The following KCNQ1 variants were observed in gnomAD, a reference collection of about 807,000 sequenced individuals.
KCNQ1 encodes potassium voltage-gated channel subfamily Q member 1.
KCNQ1 carries 49 observed loss-of-function variants against 72.4 expected under a neutral mutation model. The ratio of observed to expected loss-of-function variants is 0.68; its 90% confidence interval spans 0.54 to 0.86. KCNQ1 has a LOEUF of 0.86. Among genes scored for constraint, KCNQ1 ranks in the 40% least tolerant of loss-of-function variants. The pLI, the probability that KCNQ1 is intolerant of heterozygous loss-of-function variation, is 0.00. For missense variants in KCNQ1, 790 were observed against 945.1 expected, an observed-to-expected ratio of 0.84 and a Z score of 2.15; for synonymous variants, 450 against 412.6, an observed-to-expected ratio of 1.09 and a Z score of -1.10.
At chr11:2,573,821 A>G (rs1848377618) in intron 6 of KCNQ1, among the ~76,000 whole-genome samples, 1 of 152,096 alleles carries the variant, frequency 6.6e-6, no homozygotes, top group Non-Finnish European at 1.5e-5. Context: ...TCAGGCTTGC[A>G]CGTGGGAGAG....
chr11:2,640,627 C>G, intron 10 of KCNQ1: 1 of 396,798 alleles, frequency 2.5e-6, no homozygotes, highest in Non-Finnish European at 4.4e-6. Context: ...TTACATGCAT[C>G]GAATGTGTAA....
chr11:2,718,766 G>A (rs1200110151), intron 11 of KCNQ1, among the ~76,000 whole-genome samples: 1 of 152,202 alleles, frequency 6.6e-6, no homozygotes, highest in Non-Finnish European at 1.5e-5. Context: ...ACCAAGCCCT[G>A]GACCCTGCTG....
At chr11:2,529,376 C>T (rs1490743069) in intron 2 of KCNQ1, among the ~76,000 whole-genome samples, 3 of 151,614 alleles carry the variant, frequency 2.0e-5, no homozygotes, top group Non-Finnish European at 4.4e-5. Context: ...TGAACGTTGC[C>T]ATCACCTTAT....
intron 15 of KCNQ1, chr11:2,839,668 G>T (rs897408359): frequency 3.9e-5 from 6 of 152,288 alleles, no homozygotes; most frequent in African/African-American, 1.4e-4. Context: ...CAGGGGCTGG[G>T]ATCCCTCAGC....
chr11:2,490,147 G>A (rs1354863222), intron 1 of KCNQ1, among the ~76,000 whole-genome samples: 1 of 152,234 alleles, frequency 6.6e-6, no homozygotes, highest in Non-Finnish European at 1.5e-5. Context: ...CTGCCTATGG[G>A]CCTGTAGTGG....
intron 11 of KCNQ1, among the ~76,000 whole-genome samples, chr11:2,702,105 C>T (rs1850825352): frequency 6.6e-6 from 1 of 152,210 alleles, no homozygotes; most frequent in African/African-American, 2.4e-5. Flanking sequence ...CAGAATCCTC[C>T]CCTGATCACC....
Position 2,603,223 on chromosome 11 carries a change from C to G in KCNQ1, c.1393+14369C>G, listed in dbSNP as rs1848831990. ...ATAAAAGTTATGTTTATATTGTAGT[C>G]TATTAAGTGTGCAATAGCCCCATGT... On this transcript the variant is annotated intron_variant, in intron 10 of 15. Coordinates refer to ENST00000155840, the MANE Select transcript of KCNQ1 (RefSeq NM_000218.3). This position sits in a 1 kb window ranked among gnomAD's most constrained non-coding sequence, Gnocchi z 4.1. Among the ~76,000 whole-genome samples the G allele has an allele frequency of 6.6e-6, 1 of 152,156 alleles. No individual in the cohort carries two copies. The highest frequency in any genetic ancestry group is 2.1e-4 in the South Asian group (1 of 4,826).
Position 2,642,753 on chromosome 11 carries a change from T to C in KCNQ1, c.1394-19208T>C, listed in dbSNP as rs1390513202. 1 of 397,780 alleles carries C rather than the reference T, an allele frequency of 2.5e-6. No individual in the cohort carries two copies. The highest frequency in any genetic ancestry group is 4.4e-6 in the Non-Finnish European group (1 of 225,666). The allele number at this position is 397,780 out of a possible 1,614,324, so 24.6% of individuals were successfully genotyped here. ...TTTTCTGGTTCCTTCAGGTGTATCA[T>C]TAGATTATTTAAGATCTTTTCTACC... On this transcript the variant is annotated intron_variant, in intron 10 of 15. Transcript: ENST00000155840. The surrounding 1 kb of genome is among the most constrained non-coding windows in gnomAD (Gnocchi z 4.3).
chr11:2,640,473 A>T (rs1248153624), intron 10 of KCNQ1: 1 of 398,248 alleles, frequency 2.5e-6, no homozygotes, highest in Non-Finnish European at 4.4e-6. Flanking sequence ...TTTTGTAGAG[A>T]CAGGGTCGTG....
chr11:2,728,628 C>A (rs1003329884), intron 11 of KCNQ1, among the ~76,000 whole-genome samples: 1 of 152,232 alleles, frequency 6.6e-6, no homozygotes, highest in Non-Finnish European at 1.5e-5. Flanking sequence ...CTACTGCATC[C>A]TCCCAGAAGC....
intron 1 of KCNQ1, among the ~76,000 whole-genome samples, chr11:2,480,336 G>A (rs1207271045): frequency 2.0e-5 from 3 of 152,222 alleles, no homozygotes; most frequent in Admixed American, 6.5e-5. Flanking sequence ...ATAAAGGGAA[G>A]AGGTTTAATT....
At chr11:2,717,511 A>G (rs1472951882) in intron 11 of KCNQ1, among the ~76,000 whole-genome samples, 1 of 152,140 alleles carries the variant, frequency 6.6e-6, no homozygotes, top group African/African-American at 2.4e-5. Context: ...TTCTTCCAGA[A>G]CCTTTTAATG....
intron 1 of KCNQ1, among the ~76,000 whole-genome samples, chr11:2,445,861 TC>T (rs1380580662): frequency 6.6e-6 from 1 of 152,020 alleles, no homozygotes; most frequent in Non-Finnish European, 1.5e-5. Flanking sequence ...CGGCTGAGAC[TC>T]GAGGCTCAGG....
chr11:2,792,989 T>C (rs1847060197), intron 15 of KCNQ1, among the ~76,000 whole-genome samples: 1 of 148,230 alleles, frequency 6.7e-6, no homozygotes, highest in African/African-American at 2.5e-5. Flanking sequence ...ACAAGAGCCA[T>C]CTGTGTGGGC....
intron 3 of KCNQ1, 34 bp downstream of exon 3, chr11:2,570,788 A>G: frequency 6.2e-7 from 1 of 1,606,232 alleles, no homozygotes; most frequent in South Asian, 1.1e-5. Context: ...GGTCACGCCC[A>G]GGTTTCCAGA....
At position 2,670,193 on chromosome 11, in the gene KCNQ1, G is replaced by C. The variant is rs1455752991; in HGVS notation, c.1514+8112G>C. 2.5e-6 allele frequency: 1 copy of C among 398,526 alleles called. No homozygotes were observed. Among genetic ancestry groups the C allele is most frequent in the Non-Finnish European group, 4.4e-6 (1 of 226,092 alleles). The allele number at this position is 398,526 out of a possible 1,614,324, so 24.7% of individuals were successfully genotyped here. On this transcript the variant is annotated intron_variant, in intron 11 of 15. Coordinates refer to ENST00000155840, the MANE Select transcript of KCNQ1 (RefSeq NM_000218.3). This position sits in a 1 kb window ranked among gnomAD's most constrained non-coding sequence, Gnocchi z 4.9. ...AGGCAAGCACCCACATTAAAGCAGA[G>C]TGAAGAGCAGGGCGAGCTGTGTAGC...
At chr11:2,738,251 G>T (rs1346483884) in intron 11 of KCNQ1, among the ~76,000 whole-genome samples, 1 of 152,076 alleles carries the variant, frequency 6.6e-6, no homozygotes, top group Non-Finnish European at 1.5e-5. Flanking sequence ...AGCCCAGGGG[G>T]AGGCAGGGTC....
intron 11 of KCNQ1, among the ~76,000 whole-genome samples, chr11:2,737,266 C>T (rs1310208732): frequency 6.6e-6 from 1 of 152,124 alleles, no homozygotes; most frequent in East Asian, 1.9e-4. Context: ...TGAAGGGGTG[C>T]CGGTGGAGAG....
chr11:2,674,831 T>TAAAAAA lies in KCNQ1; in HGVS notation c.1514+12750_1514+12751insAAAAAA, dbSNP rs1564854123. On this transcript the variant is annotated intron_variant, in intron 11 of 15. Coordinates refer to ENST00000155840, the MANE Select transcript of KCNQ1 (RefSeq NM_000218.3). This position sits in a 1 kb window ranked among gnomAD's most constrained non-coding sequence, Gnocchi z 5.9. ...GGCTTGTCACCCTAATAGCTGTTTTTTAAAAAAAAAAAAAAAAAAAAAAAA... is the reference window on the plus strand; with the variant it reads ...GGCTTGTCACCCTAATAGCTGTTTTTAAAAAATAAAAAAAAAAAAAAAAAAAAAAAA... 5.5e-6 allele frequency: 2 copies of TAAAAAA among 362,322 alleles called. No homozygotes were observed. Among genetic ancestry groups the TAAAAAA allele is most frequent in the African/African-American group, 5.2e-5 (2 of 38,414 alleles). 22.4% of individuals were successfully genotyped at this position (362,322 alleles called of 1,614,324 possible). A position where few individuals can be genotyped will look rare whatever the true frequency, so the allele number is the denominator to read the frequency against.
Sources: gnomAD v4.1 joint callset for allele counts (sites outside exome capture counted in the v4.1 genomes callset) on GRCh38, gnomAD v4.1.1 for gene constraint, Gnocchi (gnomAD v3.1) non-coding constraint, MANE v1.5 for transcripts, NCBI Gene and HGNC (gene_info 2026-07-23, HGNC 2026-07-21) for gene names.